COL18A1: variants seen among roughly 807,000 people sequenced by gnomAD.
COL18A1 encodes collagen alpha-1(XVIII) chain.
Under a neutral mutation model 168.0 loss-of-function variants are expected in COL18A1, and 133 were observed. The ratio of observed to expected loss-of-function variants is 0.79; its 90% confidence interval spans 0.69 to 0.91. The LOEUF (loss-of-function observed/expected upper bound fraction) is 0.91. COL18A1 is among the 40% of genes least tolerant of loss of function. COL18A1 has a pLI of 0.00. For missense variants in COL18A1, 2,126 were observed against 1,925.4 expected (o/e 1.10, Z -1.95); for synonymous variants, 949 against 809.0 (o/e 1.17, Z -2.94).
Position 45,492,574 on chromosome 21 carries a change from T to C in COL18A1, c.2187+10T>C. The stretch of plus-strand genomic sequence containing the variant: ...CGTGCCGGGACCTGAGGTATGTGCC[T>C]GCCCAGCTTCTAAGAGACGGGCCTG... On this transcript the variant is annotated intron_variant, in intron 23 of 41. Coordinates refer to ENST00000651438, the MANE Select transcript of COL18A1 (RefSeq NM_001379500.1). 6.2e-7 allele frequency: 1 copy of C among 1,613,140 alleles called. No individual in the cohort carries two copies. The highest frequency in any genetic ancestry group is 2.2e-5 in the East Asian group (1 of 44,886).
At chr21:45,512,086 C>G (rs1315837808) in intron 41 of COL18A1, 102 bp from the exon 42 acceptor site, 8 of 1,309,862 alleles carry the variant, frequency 6.1e-6, no homozygotes, top group African/African-American at 5.9e-5. Flanking sequence ...CCCTGGTAAC[C>G]CCAGGGCTGG....
At chr21:45,469,536 C>G (rs780134835) in intron 3 of COL18A1, among the ~76,000 whole-genome samples, 3 of 152,364 alleles carry the variant, frequency 2.0e-5, no homozygotes, top group Admixed American at 6.5e-5. Flanking sequence ...TCCGGGAAGT[C>G]CCTCCAGTGG....
rs935800116 is a variant in COL18A1 at position 45,443,865 on chromosome 21, C to T, written c.107-24377C>T. On this transcript the variant is annotated intron_variant, in intron 2 of 41. Coordinates refer to ENST00000651438, the MANE Select transcript of COL18A1 (RefSeq NM_001379500.1). This position sits in a 1 kb window ranked among gnomAD's most constrained non-coding sequence, Gnocchi z 5.2. The stretch of plus-strand genomic sequence containing the variant: ...TGATCCCCTAGATGCGTCCGAGGGA[C>T]ACTGGACATCTGGTGGCCCTCCAGA... Among the ~76,000 whole-genome samples, 4 of 152,196 alleles carry T rather than the reference C, an allele frequency of 2.6e-5. No individual in the cohort carries two copies. Among genetic ancestry groups the T allele is most frequent in the African/African-American group, 4.8e-5 (2 of 41,436 alleles).
At chr21:45,494,048 G>A (rs932349941) in intron 26 of COL18A1, 1 of 256,460 alleles carries the variant, frequency 3.9e-6, no homozygotes, top group Non-Finnish European at 7.6e-6. Flanking sequence ...CCCTCGGGGA[G>A]GGTCCTGGGG....
intron 40 of COL18A1, among the ~76,000 whole-genome samples, chr21:45,510,722 C>T (rs2037529177): frequency 6.6e-6 from 1 of 152,186 alleles, no homozygotes; most frequent in Non-Finnish European, 1.5e-5. Context: ...TTCTGGGTGC[C>T]CCGGGGAGCA....
At chr21:45,492,639 C>T (rs756844595) in intron 23 of COL18A1, 48 bp from the exon 24 acceptor site, 7 of 1,610,238 alleles carry the variant, frequency 4.3e-6, no homozygotes, top group East Asian at 4.5e-5. Context: ...TCCGGGCAGG[C>T]GCGAGGGTGC....
At chr21:45,465,592 A>G (rs2035172540) in intron 2 of COL18A1, among the ~76,000 whole-genome samples, 2 of 152,106 alleles carry the variant, frequency 1.3e-5, no homozygotes, top group South Asian at 4.2e-4. Flanking sequence ...TTTTCCCTGG[A>G]AAGTGGGCTG....
At chr21:45,481,052 C>A (rs918517867) in intron 13 of COL18A1, among the ~76,000 whole-genome samples, 194 bp downstream of exon 13, 1 of 152,196 alleles carries the variant, frequency 6.6e-6, no homozygotes, top group South Asian at 2.1e-4. Flanking sequence ...TGAGTGGCCA[C>A]CCCATGGTTC....
chr21:45,478,336 G>C lies in COL18A1; in HGVS notation c.1231G>C (p.Gly411Arg), dbSNP rs769618373. 1.2e-6 allele frequency: 2 copies of C among 1,614,050 alleles called. No homozygotes were observed. The highest frequency in any genetic ancestry group is 1.7e-6 in the Non-Finnish European group (2 of 1,180,038). Residue 411 changes from glycine to arginine, a missense_variant, in exon 9 of 42, where the codon GGT (glycine) becomes CGT (arginine). Gly to Arg is a moderately radical substitution (Grantham distance 125, BLOSUM62 -2). Transcript: ENST00000651438. Reference protein sequence around the residue: ...PGRDGEPGDPGEDGKPGDTGP... With the variant: ...PGRDGEPGDPREDGKPGDTGP... ...TCTCTTGCACACCCAGGGCGACCCC[G>C]GTGAAGACGGAAAGCCGGTGAGTCT...
Position 45,512,480 on chromosome 21 carries a change from C to A in COL18A1, c.*82C>A. ...CGTGGGCAGGGAGCGGCCGGCCAGC[C>A]CCTGGCCCCAGGACCTGGCTGCCAT... On this transcript the variant is annotated 3_prime_UTR_variant, in exon 42 of 42. Transcript: ENST00000651438. The A allele has an allele frequency of 7.3e-7, 1 of 1,370,206 alleles. No individual in the cohort carries two copies. The highest frequency in any genetic ancestry group is 1.2e-5 in the South Asian group (1 of 81,506). 84.9% of individuals were successfully genotyped at this position (1,370,206 alleles called of 1,614,324 possible). A position where few individuals can be genotyped will look rare whatever the true frequency, so the allele number is the denominator to read the frequency against.
chr21:45,414,454 T>C (rs1256946155), intron 2 of COL18A1, among the ~76,000 whole-genome samples: 1 of 152,236 alleles, frequency 6.6e-6, no homozygotes, highest in Admixed American at 6.5e-5. Context: ...GAGAATGTTG[T>C]GGGAGGTTTG....
At chr21:45,466,660 G>T (rs1407303815) in intron 2 of COL18A1, among the ~76,000 whole-genome samples, 1 of 152,198 alleles carries the variant, frequency 6.6e-6, no homozygotes, top group African/African-American at 2.4e-5. Context: ...GAGCCCCCAG[G>T]AGCTTCGTGG....
At position 45,468,093 on chromosome 21, in the gene COL18A1, G is replaced by A. The variant is rs541291336; in HGVS notation, c.107-149G>A. On this transcript the variant is annotated intron_variant, in intron 2 of 41. Coordinates refer to ENST00000651438, the MANE Select transcript of COL18A1 (RefSeq NM_001379500.1). ...GTGGCCGTTGGGTGGCTGAGCCCAG[G>A]GGATCAGGGCAGGCTGCCAGGCACG... 227 of 797,724 alleles carry A rather than the reference G, an allele frequency of 2.8e-4. 1 individual carries two copies. Among genetic ancestry groups the A allele is most frequent in the Middle Eastern group, 7.3e-4 (2 of 2,722 alleles). The allele number at this position is 797,724 out of a possible 1,614,324, so 49.4% of individuals were successfully genotyped here.
chr21:45,461,189 C>A (rs954259885), intron 2 of COL18A1, among the ~76,000 whole-genome samples: 1 of 152,110 alleles, frequency 6.6e-6, no homozygotes, highest in Admixed American at 6.5e-5. Flanking sequence ...ACTTTGTACC[C>A]TTCGACCAAC....
chr21:45,485,756 G>A (rs958759643), intron 15 of COL18A1, among the ~76,000 whole-genome samples: 3 of 152,196 alleles, frequency 2.0e-5, no homozygotes, highest in Non-Finnish European at 2.9e-5. Context: ...CTCTGGCTTG[G>A]AGGCCCAGCC....
At chr21:45,455,606 C>T (rs756378916) in intron 2 of COL18A1, 2 of 1,613,880 alleles carry the variant, frequency 1.2e-6, no homozygotes, top group African/African-American at 2.7e-5. Flanking sequence ...GGCCAACCTG[C>T]TGAACCTGAA....
At chr21:45,433,559 G>A (rs944290245) in intron 2 of COL18A1, among the ~76,000 whole-genome samples, 2 of 152,192 alleles carry the variant, frequency 1.3e-5, no homozygotes, top group East Asian at 1.9e-4. Flanking sequence ...GGCTCCTTTC[G>A]CGTGGCTGTC....
At chr21:45,476,921 T>TTGTGTGTGTGTGTG (rs56196443) in intron 6 of COL18A1, among the ~76,000 whole-genome samples, 208 of 146,956 alleles carry the variant, frequency 1.4e-3, no homozygotes, top group African/African-American at 4.8e-3. Context: ...ATTATGTGTT[T>TTGTGTGTGTGTGTG]TGTGTGTGTG....
At chr21:45,408,777 C>T (rs2033199246) in intron 2 of COL18A1, among the ~76,000 whole-genome samples, 1 of 152,188 alleles carries the variant, frequency 6.6e-6, no homozygotes, top group African/African-American at 2.4e-5. Flanking sequence ...AGGAAGGAGA[C>T]CCGGCTGGGT....
Sources: allele counts gnomAD v4.1 joint callset (sites outside exome capture counted in the v4.1 genomes callset), GRCh38; gene constraint gnomAD v4.1.1; non-coding constraint Gnocchi (gnomAD v3.1); transcripts MANE v1.5; gene names NCBI Gene and HGNC (gene_info 2026-07-23, HGNC 2026-07-21).